The following FMNL1 variants were observed in gnomAD, a reference collection of about 807,000 sequenced individuals.
FMNL1 encodes formin like 1, also known as formin-like protein 1.
FMNL1 carries 43 observed loss-of-function variants against 121.3 expected under a neutral mutation model. The observed-to-expected ratio is 0.35, with a 90% CI of 0.28 to 0.46. The LOEUF is 0.46. Among genes scored for constraint, FMNL1 ranks in the 20% least tolerant of loss-of-function variants. FMNL1 has a pLI of 1.00. For synonymous variants in FMNL1, 613 were observed against 613.5 expected (o/e 1.00, Z 0.01); for missense variants, 1,191 against 1,482.4 (o/e 0.80, Z 3.23).
At chr17:45,223,686 T>C (rs1454042963) in intron 1 of FMNL1, among the ~76,000 whole-genome samples, 1 of 152,070 alleles carries the variant, frequency 6.6e-6, no homozygotes, top group East Asian at 1.9e-4. Flanking sequence ...ACACAGTCTC[T>C]GGGGGCCATC....
Position 45,241,276 on chromosome 17 carries a change from G to A in FMNL1, c.1332+46G>A, listed in dbSNP as rs773038998. 6 of 1,612,812 alleles carry A rather than the reference G, an allele frequency of 3.7e-6. No individual in the cohort carries two copies. Among genetic ancestry groups the A allele is most frequent in the Admixed American group, 3.3e-5 (2 of 59,958 alleles). ...AGGCCAGGCGCCCAAGAACAGGCCA[G>A]CTGAGGCTTCTAGGCTTGACATCTC... On this transcript the variant is annotated intron_variant, in intron 13 of 26. Coordinates refer to ENST00000331495, the MANE Select transcript of FMNL1 (RefSeq NM_005892.4). This position sits in a 1 kb window ranked among gnomAD's most constrained non-coding sequence, Gnocchi z 7.0.
In FMNL1 at chr17:45,230,639, G is replaced by T. The variant is rs2043418776; in HGVS notation, c.165G>T (p.Leu55=). Reference sequence around the variant, plus strand: ...ACTTGCCCCCAGACAAGGTCCAGCTGCTGAGCCAGTATGACAACGAGAAGA... The same window carrying T: ...ACTTGCCCCCAGACAAGGTCCAGCTTCTGAGCCAGTATGACAACGAGAAGA... ...CMNLPPDKVQ[L]LSQYDNEKKW... is the part of the protein sequence containing the mutation. Residue 55 remains leucine, a synonymous_variant, in exon 2 of 27, where the codon CTG becomes CTT. Transcript: ENST00000331495. The T allele has an allele frequency of 4.3e-6, 7 of 1,613,852 alleles. No homozygotes were observed. The East Asian group carries it at 1.6e-4, about 36-fold the overall frequency.
rs1267622933 is a variant in FMNL1 at position 45,232,453 on chromosome 17, A to G, written c.300A>G (p.Val100=). 1.9e-6 allele frequency: 3 copies of G among 1,614,108 alleles called. No homozygotes were observed. In the East Asian group the frequency reaches 6.7e-5, roughly 36 times the overall value. The change falls in exon 3 of 27, where the codon GTA becomes GTG. Residue 100 remains valine (V), a synonymous_variant. Coordinates refer to ENST00000331495, the MANE Select transcript of FMNL1 (RefSeq NM_005892.4). ...YVDTGGVSRK[V]AADWMSNLGF... is the part of the protein sequence containing the mutation. ...ATACTGGTGGGGTCAGCCGAAAGGT[A>G]GCAGCTGATTGGATGTCCAACCTGG...
chr17:45,226,985 A>G (rs1163606850), intron 1 of FMNL1, among the ~76,000 whole-genome samples: 1 of 152,118 alleles, frequency 6.6e-6, no homozygotes, highest in Non-Finnish European at 1.5e-5. Flanking sequence ...AAGGAGGTAA[A>G]ATTGATTGTG....
In FMNL1 at chr17:45,237,576, G is replaced by A. The variant is rs373201342; in HGVS notation, c.831G>A (p.Ala277=). The stretch of plus-strand genomic sequence containing the variant: ...AGGCTCTGGTGCTGGAGCTGCTGGC[G>A]GCCGTGTGCTTGGTGCGGGGAGGAC... ...RTKALVLELL[A]AVCLVRGGHD... is the part of the protein sequence containing the mutation. Residue 277 remains alanine, a synonymous_variant, in exon 9 of 27, where the codon GCG becomes GCA. Coordinates refer to ENST00000331495, the MANE Select transcript of FMNL1 (RefSeq NM_005892.4). The surrounding 1 kb of genome is among the most constrained non-coding windows in gnomAD (Gnocchi z 4.4). 1.4e-5 allele frequency: 23 copies of A among 1,614,032 alleles called. No homozygotes were observed. In the African/African-American group the frequency reaches 1.5e-4, roughly 10 times the overall value.
Position 45,237,195 on chromosome 17 carries a change from G to A in FMNL1, c.724-86G>A, listed in dbSNP as rs1031290754. ...TGGATACAAAGAACTTCCTAAACTCGAGGGCAGTTAAAGATCCACGTGGCG... is the reference window on the plus strand; with the variant it reads ...TGGATACAAAGAACTTCCTAAACTCAAGGGCAGTTAAAGATCCACGTGGCG... On this transcript the variant is annotated intron_variant, in intron 7 of 26. Transcript: ENST00000331495. The surrounding 1 kb of genome is among the most constrained non-coding windows in gnomAD (Gnocchi z 4.4). The A allele has an allele frequency of 3.8e-5, 47 of 1,243,538 alleles. No individual in the cohort carries two copies. Among genetic ancestry groups the A allele is most frequent in the Non-Finnish European group, 5.1e-5 (43 of 851,378 alleles). 77.0% of individuals were successfully genotyped at this position (1,243,538 alleles called of 1,614,324 possible). A position where few individuals can be genotyped will look rare whatever the true frequency, so the allele number is the denominator to read the frequency against.
At chr17:45,243,644 C>T (rs2043759706) in intron 17 of FMNL1, 147 bp from the exon 18 acceptor site, 1 of 850,938 alleles carries the variant, frequency 1.2e-6, no homozygotes, top group Non-Finnish European at 1.8e-6. Flanking sequence ...TTCCCAGTTT[C>T]TCTGGATTCC....
At chr17:45,229,591 C>T (rs1046077634) in intron 1 of FMNL1, among the ~76,000 whole-genome samples, 1 of 152,228 alleles carries the variant, frequency 6.6e-6, no homozygotes. Context: ...ATAGAAGGCT[C>T]TCAATAACCT....
Position 45,246,228 on chromosome 17 carries a change from C to T in FMNL1, c.3109C>T (p.Arg1037Trp), listed in dbSNP as rs946995269. The T allele has an allele frequency of 1.7e-5, 28 of 1,609,262 alleles. No individual in the cohort carries two copies. The highest frequency in any genetic ancestry group is 3.3e-4 in the Middle Eastern group (2 of 6,070). ...PAPKSPPKAR[R>W]PQMDLISELK... is the part of the protein sequence containing the mutation. The stretch of plus-strand genomic sequence containing the variant: ...CCCCTAGTCACCGCCAAAGGCCCGG[C>T]GGCCACAGATGGACCTCATCTCTGA... The change falls in exon 25 of 27, where the codon CGG becomes TGG. Residue 1037 changes from arginine (R) to tryptophan (W), a missense_variant. Coordinates refer to ENST00000331495, the MANE Select transcript of FMNL1 (RefSeq NM_005892.4).
chr17:45,233,563 C>A lies in FMNL1; in HGVS notation c.402-85C>A. ...GTCTTTGGGGGTTGAAAGGGCACCCCAGGGGTCCTTGCTGTCCCTGTTCTG... is the reference window on the plus strand; with the variant it reads ...GTCTTTGGGGGTTGAAAGGGCACCCAAGGGGTCCTTGCTGTCCCTGTTCTG... On this transcript the variant is annotated intron_variant, in intron 4 of 26. Coordinates refer to ENST00000331495, the MANE Select transcript of FMNL1 (RefSeq NM_005892.4). This position sits in a 1 kb window ranked among gnomAD's most constrained non-coding sequence, Gnocchi z 4.1. 1 of 1,516,090 alleles carries A rather than the reference C, an allele frequency of 6.6e-7. No individual in the cohort carries two copies. The highest frequency in any genetic ancestry group is 9.1e-7 in the Non-Finnish European group (1 of 1,099,554). The allele number at this position is 1,516,090 out of a possible 1,614,324, so 93.9% of individuals were successfully genotyped here. A position where few individuals can be genotyped will look rare whatever the true frequency, so the allele number is the denominator to read the frequency against.
chr17:45,233,886 G>A lies in FMNL1; in HGVS notation c.485+155G>A. The stretch of plus-strand genomic sequence containing the variant: ...CCTTGAGCGATGCTCCTTCCAGAAG[G>A]CCTGCCCCCGACAGGGAGGGGTGGC... On this transcript the variant is annotated intron_variant, in intron 5 of 26. Coordinates refer to ENST00000331495, the MANE Select transcript of FMNL1 (RefSeq NM_005892.4). The surrounding 1 kb of genome is among the most constrained non-coding windows in gnomAD (Gnocchi z 4.1). 7.6e-7 allele frequency: 1 copy of A among 1,323,252 alleles called. No homozygotes were observed. The allele number at this position is 1,323,252 out of a possible 1,614,324, so 82.0% of individuals were successfully genotyped here.
chr17:45,238,540 G>C (rs1291364253), intron 9 of FMNL1, 24 bp from the exon 10 acceptor site: 5 of 1,613,526 alleles, frequency 3.1e-6, no homozygotes, highest in Non-Finnish European at 4.2e-6. Context: ...CTGGGCCTCA[G>C]TGAGAGCCAT....
chr17:45,229,232 TC>T (rs1439586646), intron 1 of FMNL1, among the ~76,000 whole-genome samples: 3 of 152,358 alleles, frequency 2.0e-5, no homozygotes, highest in Non-Finnish European at 2.9e-5. Context: ...AGGGGCAGTT[TC>T]ACCTCTCCAG....
chr17:45,222,164 C>G lies in FMNL1; in HGVS notation c.40C>G (p.Pro14Ala). The G allele has an allele frequency of 8.3e-7, 1 of 1,210,070 alleles. No individual in the cohort carries two copies. The highest frequency in any genetic ancestry group is 1.0e-6 in the Non-Finnish European group (1 of 975,368). The allele number at this position is 1,210,070 out of a possible 1,614,324, so 75.0% of individuals were successfully genotyped here. The stretch of plus-strand genomic sequence containing the variant: ...CGGCAGCGCCGAGCAGCCCGCGGGC[C>G]CCGCCGCGCCGCCCCCCAAGCAGCC... ...AAGSAEQPAGPAAPPPKQPAP... is the reference protein window; with the variant it reads ...AAGSAEQPAGAAAPPPKQPAP... The change falls in exon 1 of 27, where the codon CCC becomes GCC. Residue 14 changes from proline (P) to alanine (A), a missense_variant. Coordinates refer to ENST00000331495, the MANE Select transcript of FMNL1 (RefSeq NM_005892.4).
Position 45,246,794 on chromosome 17 carries a change from T to G in FMNL1, c.*9-73T>G, listed in dbSNP as rs58842961. 8.1e-4 allele frequency: 573 copies of G among 703,626 alleles called. 2 individuals are homozygous for G. The African/African-American group carries it at 8.4e-3, about 10-fold the overall frequency. 43.6% of individuals were successfully genotyped at this position (703,626 alleles called of 1,614,324 possible). On this transcript the variant is annotated intron_variant, in intron 26 of 26. Coordinates refer to ENST00000331495, the MANE Select transcript of FMNL1 (RefSeq NM_005892.4). ...AATCTGAGTCCTTAGGAGGCTAAGC[T>G]TTGTGCCCTGGAGCCATGCTCCCAG...
intron 22 of FMNL1, 30 bp from the exon 23 acceptor site, chr17:45,245,602 A>T (rs1224089707): frequency 6.2e-7 from 1 of 1,612,744 alleles, no homozygotes; most frequent in Non-Finnish European, 8.5e-7. Context: ...GAGAGGTCTA[A>T]GCTGGGGGGC....
chr17:45,225,922 T>A (rs1163701664), intron 1 of FMNL1, among the ~76,000 whole-genome samples: 2 of 152,130 alleles, frequency 1.3e-5, no homozygotes, highest in African/African-American at 4.8e-5. Context: ...GCACAGTGCC[T>A]GACACAGAGC....
chr17:45,241,715 G>A lies in FMNL1; in HGVS notation c.1585+81G>A, dbSNP rs1161894467. On this transcript the variant is annotated intron_variant, in intron 14 of 26. Coordinates refer to ENST00000331495, the MANE Select transcript of FMNL1 (RefSeq NM_005892.4). The surrounding 1 kb of genome is among the most constrained non-coding windows in gnomAD (Gnocchi z 7.0). ...AGGGGCATCTGTGGCGGGCAGAGTT[G>A]GGCGAGGGAGGTTTGGATTGTAGGC... The A allele has an allele frequency of 1.4e-6, 2 of 1,437,030 alleles. No individual in the cohort carries two copies. Among genetic ancestry groups the A allele is most frequent in the East Asian group, 2.5e-5 (1 of 40,142 alleles). 89.0% of individuals were successfully genotyped at this position (1,437,030 alleles called of 1,614,324 possible). A position where few individuals can be genotyped will look rare whatever the true frequency, so the allele number is the denominator to read the frequency against.
Position 45,233,991 on chromosome 17 carries a change from GT to G in FMNL1, c.486-80del. 6.5e-7 allele frequency: 1 copy of G among 1,549,452 alleles called. No individual in the cohort carries two copies. Among genetic ancestry groups the G allele is most frequent in the African/African-American group, 1.4e-5 (1 of 73,218 alleles). On this transcript the variant is annotated intron_variant, in intron 5 of 26. Transcript: ENST00000331495. The surrounding 1 kb of genome is among the most constrained non-coding windows in gnomAD (Gnocchi z 4.1). ...GCTCCTTAGTCTCACCTGCAGGTCT[GT>G]CTCTCCTTGCGTTTCCTCTGCCCCC...
Sources: allele counts gnomAD v4.1 joint callset (sites outside exome capture counted in the v4.1 genomes callset), GRCh38; gene constraint gnomAD v4.1.1; non-coding constraint Gnocchi (gnomAD v3.1); transcripts MANE v1.5; gene names NCBI Gene and HGNC (gene_info 2026-07-23, HGNC 2026-07-21).